Variants in SNX8 observed in about 807,000 individuals in gnomAD.
SNX8 encodes the protein sorting nexin 8.
In SNX8, 25 loss-of-function variants were observed where a neutral mutation model predicts 51.6. That is an observed-to-expected ratio of 0.48 (90% CI 0.35 to 0.68). The LOEUF is 0.68. Among genes scored for constraint, SNX8 ranks in the 30% least tolerant of loss-of-function variants. The pLI, the probability that SNX8 is intolerant of heterozygous loss-of-function variation, is 0.00. For missense variants in SNX8, 695 were observed against 624.0 expected, an observed-to-expected ratio of 1.11 and a Z score of -1.21; for synonymous variants, 324 against 277.0, an observed-to-expected ratio of 1.17 and a Z score of -1.68.
chr7:2,284,341 C>A (rs1487371382), intron 1 of SNX8, among the ~76,000 whole-genome samples: 3 of 152,066 alleles, frequency 2.0e-5, no homozygotes, highest in South Asian at 2.1e-4. Flanking sequence ...CTTGTCCTGA[C>A]CCCGCCCCCG....
At chr7:2,351,598 CA>C (rs1779139659) in intron 1 of SNX8, among the ~76,000 whole-genome samples, 1 of 151,312 alleles carries the variant, frequency 6.6e-6, no homozygotes, top group Non-Finnish European at 1.5e-5. Flanking sequence ...TTCGGGAGGC[CA>C]AGGCGGGCGG....
At chr7:2,265,167 C>A (rs1795436091) in intron 5 of SNX8, among the ~76,000 whole-genome samples, 1 of 152,132 alleles carries the variant, frequency 6.6e-6, no homozygotes, top group Non-Finnish European at 1.5e-5. Flanking sequence ...ATGGTGAAAC[C>A]CCATCTCTAC....
intron 3 of SNX8, 147 bp from the exon 4 acceptor site, chr7:2,272,118 G>A (rs868118384): frequency 7.1e-6 from 8 of 1,133,280 alleles, no homozygotes; most frequent in Middle Eastern, 2.9e-4. Flanking sequence ...GTGCTGCTCA[G>A]ACAATGGGTC....
At chr7:2,255,219 T>G in intron 10 of SNX8, 50 bp from the exon 11 acceptor site, 1 of 1,178,626 alleles carries the variant, frequency 8.5e-7, no homozygotes, top group Non-Finnish European at 1.2e-6. Context: ...CCGGGGCTCC[T>G]CCTCACGCTC....
chr7:2,354,471 G>A (rs1218945829), upstream of SNX8, among the ~76,000 whole-genome samples: 1 of 152,164 alleles, frequency 6.6e-6, no homozygotes, highest in Non-Finnish European at 1.5e-5. Flanking sequence ...TGAGTTAGAG[G>A]ACATTTTCCT....
chr7:2,269,923 C>A (rs1189157068), intron 4 of SNX8, among the ~76,000 whole-genome samples: 1 of 152,152 alleles, frequency 6.6e-6, no homozygotes, highest in Non-Finnish European at 1.5e-5. Context: ...TCCAGAGAAA[C>A]AGCCACTCCA....
In SNX8 at chr7:2,278,220, G is replaced by A. The variant is rs754047122; in HGVS notation, c.180C>T (p.Asn60=). ...APSRMQMPQG[N]PLLLSHTLQE... is the part of the protein sequence containing the mutation. ...GCAGGGTGTGGGACAGCAGCAGCGG[G>A]TTCCCCTGCGGCATCTGCATTCGAC... The change falls in exon 2 of 11, where the codon AAC becomes AAT. Residue 60 remains asparagine (N), a synonymous_variant. Transcript: ENST00000222990. The A allele has an allele frequency of 6.2e-7, 1 of 1,612,854 alleles. No individual in the cohort carries two copies.
chr7:2,320,145 C>T (rs931573039), intron 1 of SNX8, among the ~76,000 whole-genome samples: 6 of 152,080 alleles, frequency 3.9e-5, no homozygotes, highest in Non-Finnish European at 8.8e-5. Context: ...CACCTGAGAT[C>T]GGGAGTTTGA....
intron 1 of SNX8, among the ~76,000 whole-genome samples, chr7:2,324,482 G>T (rs926928656): frequency 6.6e-6 from 1 of 151,762 alleles, no homozygotes; most frequent in Non-Finnish European, 1.5e-5. Context: ...GTAGAGACAG[G>T]GTTTCACCAT....
chr7:2,305,118 C>G (rs553344202), intron 1 of SNX8, among the ~76,000 whole-genome samples: 1 of 152,078 alleles, frequency 6.6e-6, no homozygotes, highest in Non-Finnish European at 1.5e-5. Context: ...AACAGAGCAC[C>G]GGGCTGAGCC....
At chr7:2,274,449 T>G (rs774037315) in intron 3 of SNX8, among the ~76,000 whole-genome samples, 2 of 152,204 alleles carry the variant, frequency 1.3e-5, no homozygotes, top group Admixed American at 6.5e-5. Context: ...AGGAACGGGC[T>G]GAGGGAGAGA....
At position 2,342,731 on chromosome 7, in the gene SNX8, C is replaced by T. The variant is rs1237026133; in HGVS notation, c.-66+11491G>A. 2.6e-5 allele frequency among the ~76,000 whole-genome samples: 4 copies of T among 152,066 alleles called. No individual in the cohort carries two copies. The South Asian group carries it at 8.3e-4, about 32-fold the overall frequency. ...GTGGAGATGAGAGAAGACAGAGTAA[C>T]TTTTATAGCCCAGGACACAGGGTGA... On this transcript the variant is annotated intron_variant, in intron 1 of 5. Transcript: ENST00000435336.
intron 1 of SNX8, among the ~76,000 whole-genome samples, chr7:2,293,898 G>C (rs1375850303): frequency 6.6e-6 from 1 of 151,446 alleles, no homozygotes; most frequent in Non-Finnish European, 1.5e-5. Flanking sequence ...CCCGGGAGGG[G>C]GAGGTTGCAG....
chr7:2,351,346 G>A (rs1259424415), intron 1 of SNX8, among the ~76,000 whole-genome samples: 3 of 152,068 alleles, frequency 2.0e-5, no homozygotes, highest in Non-Finnish European at 4.4e-5. Flanking sequence ...GAGCCCAGGA[G>A]TTGAAGACCA....
At chr7:2,259,319 G>A (rs1279973746) in intron 7 of SNX8, among the ~76,000 whole-genome samples, 1 of 152,188 alleles carries the variant, frequency 6.6e-6, no homozygotes, top group African/African-American at 2.4e-5. Context: ...GAAGGGCTCC[G>A]GTCCCCACAG....
At chr7:2,263,387 G>A (rs764064306) in intron 6 of SNX8, 25 bp from the exon 7 acceptor site, 1 of 1,567,144 alleles carries the variant, frequency 6.4e-7, no homozygotes, top group Non-Finnish European at 8.7e-7. Context: ...ACACAGGAGA[G>A]GAGACACTCA....
At chr7:2,341,655 G>C (rs1031705547) in intron 1 of SNX8, among the ~76,000 whole-genome samples, 4 of 152,036 alleles carry the variant, frequency 2.6e-5, no homozygotes, top group African/African-American at 9.7e-5. Flanking sequence ...CTGGGTGATA[G>C]AGGCAAGAGC....
At chr7:2,274,337 G>A (rs1007161665) in intron 3 of SNX8, among the ~76,000 whole-genome samples, 3 of 152,240 alleles carry the variant, frequency 2.0e-5, no homozygotes, top group Non-Finnish European at 4.4e-5. Flanking sequence ...CCCATGCTGC[G>A]TCCCCGTCCA....
intron 1 of SNX8, among the ~76,000 whole-genome samples, chr7:2,328,818 G>T (rs1778675081): frequency 6.6e-6 from 1 of 151,972 alleles, no homozygotes; most frequent in Non-Finnish European, 1.5e-5. Flanking sequence ...AGGCGTGGTG[G>T]CTCACGCCTG....
Sources: gnomAD v4.1 joint callset for allele counts (sites outside exome capture counted in the v4.1 genomes callset) on GRCh38, gnomAD v4.1.1 for gene constraint, MANE v1.5 for transcripts, NCBI Gene and HGNC (gene_info 2026-07-23, HGNC 2026-07-21) for gene names.